The following FMO1 variants were observed in gnomAD, a reference collection of about 807,000 sequenced individuals.
FMO1 encodes the protein flavin containing dimethylaniline monoxygenase 1.
In FMO1, 36 loss-of-function variants were observed where a neutral mutation model predicts 45.4. The ratio of observed to expected loss-of-function variants is 0.79; its 90% CI spans 0.61 to 1.05. The LOEUF (loss-of-function observed/expected upper bound fraction) is 1.05. Among genes scored for constraint, FMO1 ranks in the 50% least tolerant of loss-of-function variants. FMO1 has a pLI of 0.00. For synonymous variants in FMO1, 228 were observed against 227.2 expected, an observed-to-expected ratio of 1.00 and a Z score of -0.03; for missense variants, 615 against 640.3, an observed-to-expected ratio of 0.96 and a Z score of 0.43.
intron 3 of FMO1, chr1:171,271,455 C>A: frequency 3.0e-6 from 3 of 990,138 alleles, no homozygotes; most frequent in East Asian, 2.4e-5. Context: ...CCTCTCTGAG[C>A]CTTTCTTAGA....
chr1:171,267,948 T>C (rs1660685876), intron 3 of FMO1, among the ~76,000 whole-genome samples: 1 of 152,178 alleles, frequency 6.6e-6, no homozygotes, highest in Non-Finnish European at 1.5e-5. Context: ...GTATAAAATT[T>C]TAGTTTGCAA....
chr1:171,280,707 G>T, intron 5 of FMO1, 79 bp from the exon 6 acceptor site: 1 of 1,235,000 alleles, frequency 8.1e-7, no homozygotes, highest in South Asian at 1.2e-5. Flanking sequence ...TTCCATTCAT[G>T]ACACTTCTTG....
chr1:171,265,792 G>T lies in FMO1; in HGVS notation c.133-1751G>T, dbSNP rs1660594608. 2.6e-5 allele frequency among the ~76,000 whole-genome samples: 4 copies of T among 152,292 alleles called. No individual in the cohort carries two copies. In the East Asian group the frequency reaches 5.8e-4, roughly 22 times the overall value. On this transcript the variant is annotated intron_variant, in intron 2 of 8. Transcript: ENST00000617670. ...GTTGTCAATTTACCTAATCTGGTTT[G>T]AATGGATGGCAATGCTCTTTGCAGG...
intron 1 of FMO1, among the ~76,000 whole-genome samples, chr1:171,254,564 A>G (rs892311240): frequency 1.3e-5 from 2 of 152,208 alleles, no homozygotes; most frequent in Non-Finnish European, 2.9e-5. Flanking sequence ...GGGGAAACAT[A>G]TACCTTATAT....
intron 4 of FMO1, among the ~76,000 whole-genome samples, chr1:171,277,919 A>G (rs1661176287): frequency 6.6e-6 from 1 of 152,222 alleles, no homozygotes; most frequent in South Asian, 2.1e-4. Flanking sequence ...TTTTAGGAAA[A>G]AAGAAGTTCT....
intron 8 of FMO1, 125 bp downstream of exon 8, chr1:171,283,341 T>C: frequency 2.1e-6 from 1 of 474,668 alleles, no homozygotes; most frequent in Admixed American, 4.5e-5. Context: ...AGATGAAAGT[T>C]ACATTGGAGA....
chr1:171,279,505 A>T (rs1017636655), intron 5 of FMO1, among the ~76,000 whole-genome samples: 1 of 152,156 alleles, frequency 6.6e-6, no homozygotes, highest in Non-Finnish European at 1.5e-5. Context: ...TGGCAGAGCC[A>T]GTTCTCAAAC....
intron 1 of FMO1, among the ~76,000 whole-genome samples, chr1:171,252,761 G>A (rs1405042261): frequency 1.3e-5 from 2 of 152,202 alleles, no homozygotes; most frequent in Non-Finnish European, 2.9e-5. Flanking sequence ...AGAGGCTCTT[G>A]TGTTTTCTCA....
intron 2 of FMO1, among the ~76,000 whole-genome samples, chr1:171,261,802 G>A (rs890739307): frequency 6.6e-6 from 1 of 152,162 alleles, no homozygotes; most frequent in African/African-American, 2.4e-5. Context: ...CATGACTCTG[G>A]CCTCTCCCAG....
At chr1:171,277,698 T>C (rs953761952) in intron 4 of FMO1, among the ~76,000 whole-genome samples, 1 of 152,194 alleles carries the variant, frequency 6.6e-6, no homozygotes, top group Non-Finnish European at 1.5e-5. Context: ...AGTTCTCTGA[T>C]CCATATTGGG....
intron 1 of FMO1, chr1:171,251,491 C>T (rs1382350757): frequency 6.6e-6 from 1 of 151,532 alleles, no homozygotes; most frequent in African/African-American, 2.4e-5. Context: ...ACTGATAACT[C>T]ACTGACTTGA....
At position 171,285,317 on chromosome 1, in the gene FMO1, C is replaced by T. The variant is rs774846802; in HGVS notation, c.1372C>T (p.His458Tyr). Residue 458 changes from histidine (H) to tyrosine (Y), a missense_variant, in exon 9 of 9, where the codon CAT becomes TAT. By Grantham distance (83) the His-to-Tyr change is moderately conservative. Transcript: ENST00000617670. ...NLFSMLLTDP[H>Y]LALTVFFGPC... The stretch of plus-strand genomic sequence containing the variant: ...GTTCTCTATGCTCCTAACGGATCCA[C>T]ATCTGGCTCTGACCGTCTTCTTTGG... 1.9e-6 allele frequency: 3 copies of T among 1,614,058 alleles called. No individual in the cohort carries two copies. The highest frequency in any genetic ancestry group is 1.1e-5 in the South Asian group (1 of 91,088).
intron 2 of FMO1, among the ~76,000 whole-genome samples, chr1:171,258,775 T>A (rs1052159168): frequency 3.2e-4 from 48 of 152,204 alleles, no homozygotes; most frequent in African/African-American, 1.0e-3. Flanking sequence ...GTCTTTTTTT[T>A]ATTCCCTGAG....
intron 1 of FMO1, among the ~76,000 whole-genome samples, chr1:171,250,224 C>T (rs1659823890): frequency 6.6e-6 from 1 of 152,222 alleles, no homozygotes; most frequent in Non-Finnish European, 1.5e-5. Context: ...GGAATCAGAT[C>T]AGACATGAAC....
At position 171,285,262 on chromosome 1, in the gene FMO1, C is replaced by A; in HGVS notation, c.1317C>A (p.Leu439=). The change falls in exon 9 of 9, where the codon CTC becomes CTA. Residue 439 remains leucine, a synonymous_variant. Coordinates refer to ENST00000617670, the MANE Select transcript of FMO1 (RefSeq NM_001282693.2). The part of the protein sequence containing the change: ...QSDYITYIDE[L]LTYINAKPNL... ...ATTATATCACATACATAGATGAACT[C>A]CTGACCTATATCAATGCAAAACCCA... is the stretch of plus-strand genomic sequence containing the variant. 6.2e-7 allele frequency: 1 copy of A among 1,613,864 alleles called. No homozygotes were observed. The highest frequency in any genetic ancestry group is 8.5e-7 in the Non-Finnish European group (1 of 1,179,844).
Position 171,280,871 on chromosome 1 carries a change from G to T in FMO1, c.713G>T (p.Arg238Leu). Residue 238 changes from arginine to leucine, a missense_variant, in exon 6 of 9, where the codon CGC becomes CTC. By Grantham distance (102) the Arg-to-Leu change is moderately radical. Coordinates refer to ENST00000617670, the MANE Select transcript of FMO1 (RefSeq NM_001282693.2). ...CCATGGGACATGGTGTTCATGACAC[G>T]CTTTCAGAACATGTTGAGAAATTCC... Reference protein sequence around the residue: ...GYPWDMVFMTRFQNMLRNSLP... With the variant: ...GYPWDMVFMTLFQNMLRNSLP... 2 of 1,613,920 alleles carry T rather than the reference G, an allele frequency of 1.2e-6. No homozygotes were observed. Among genetic ancestry groups the T allele is most frequent in the Admixed American group, 1.7e-5 (1 of 60,004 alleles).
intron 3 of FMO1, 66 bp downstream of exon 3, chr1:171,267,797 G>A: frequency 7.9e-7 from 1 of 1,272,866 alleles, no homozygotes; most frequent in Non-Finnish European, 1.1e-6. Context: ...TATCTCTCCA[G>A]CCTAGCCCTG....
chr1:171,250,381 T>C (rs1240146550), intron 1 of FMO1, among the ~76,000 whole-genome samples: 2 of 152,232 alleles, frequency 1.3e-5, no homozygotes, highest in South Asian at 2.1e-4. Flanking sequence ...TTTCAGCTAA[T>C]ACTTAGCATA....
In FMO1 at chr1:171,256,493, A is replaced by G. The variant is rs189483377; in HGVS notation, c.-6-1589A>G. 3.9e-5 allele frequency among the ~76,000 whole-genome samples: 6 copies of G among 152,212 alleles called. No individual in the cohort carries two copies. In the East Asian group the frequency reaches 7.7e-4, roughly 20 times the overall value. ...TGTTGGGCCCAGAGAGGGGAAAATT[A>G]TACAAGGTTTTTGATTTTATAGTGT... On this transcript the variant is annotated intron_variant, in intron 1 of 8. Transcript: ENST00000617670.
Sources: gnomAD v4.1 joint callset for allele counts (sites outside exome capture counted in the v4.1 genomes callset) on GRCh38, gnomAD v4.1.1 for gene constraint, MANE v1.5 for transcripts, NCBI Gene and HGNC (gene_info 2026-07-23, HGNC 2026-07-21) for gene names.